Variants in CTCF observed in about 807,000 individuals in gnomAD.
The protein encoded by CTCF is CCCTC-binding factor.
CTCF carries 7 observed loss-of-function variants against 72.3 expected under a neutral mutation model. That is an observed-to-expected ratio of 0.10 (90% CI 0.06 to 0.18). CTCF has a LOEUF of 0.18. Among genes scored for constraint, CTCF ranks in the 10% least tolerant of loss-of-function variants. The pLI is 1.00. For missense variants in CTCF, 516 were observed against 949.1 expected, an observed-to-expected ratio of 0.54 and a Z score of 6.00; for synonymous variants, 374 against 315.8, an observed-to-expected ratio of 1.18 and a Z score of -1.95.
chr16:67,595,254 C>T (rs1175058350), intron 2 of CTCF, among the ~76,000 whole-genome samples: 2 of 151,762 alleles, frequency 1.3e-5, no homozygotes, highest in Admixed American at 6.6e-5. Flanking sequence ...AACTTCTGGG[C>T]CCAAGCCATC....
chr16:67,575,424 A>C (rs1261455926), intron 2 of CTCF, among the ~76,000 whole-genome samples: 2 of 151,998 alleles, frequency 1.3e-5, no homozygotes, highest in African/African-American at 4.8e-5. Flanking sequence ...GTTCTATTAG[A>C]GGTGACTTCC....
intron 4 of CTCF, 200 bp downstream of exon 4, chr16:67,612,321 A>G: frequency 4.5e-6 from 2 of 444,108 alleles, no homozygotes; most frequent in Non-Finnish European, 7.8e-6. Context: ...ATGAAAAATA[A>G]CACCCTCTCT....
At chr16:67,632,250 T>C (rs936828747) in intron 10 of CTCF, among the ~76,000 whole-genome samples, 13 of 152,196 alleles carry the variant, frequency 8.5e-5, no homozygotes, top group Admixed American at 6.5e-4. Context: ...TCCTGCTTTC[T>C]CCTGATACTG....
At chr16:67,592,587 C>A (rs1216642534) in intron 2 of CTCF, among the ~76,000 whole-genome samples, 1 of 151,932 alleles carries the variant, frequency 6.6e-6, no homozygotes, top group East Asian at 1.9e-4. Context: ...CGCCTGTAGT[C>A]CCAGCCACTC....
intron 2 of CTCF, among the ~76,000 whole-genome samples, chr16:67,603,778 T>G (rs1287137165): frequency 1.4e-5 from 2 of 146,882 alleles, no homozygotes; most frequent in African/African-American, 2.5e-5. Context: ...TGAGCTGAGA[T>G]CGCGCCACTG....
At chr16:67,599,749 C>T (rs1034436466) in intron 2 of CTCF, among the ~76,000 whole-genome samples, 9 of 152,180 alleles carry the variant, frequency 5.9e-5, no homozygotes, top group East Asian at 1.9e-4. Context: ...ACAGTCCGGA[C>T]GACTAAACCA....
At chr16:67,583,737 A>G (rs2051622306) in intron 2 of CTCF, among the ~76,000 whole-genome samples, 1 of 151,868 alleles carries the variant, frequency 6.6e-6, no homozygotes, top group Non-Finnish European at 1.5e-5. Flanking sequence ...TGTGGTGAGT[A>G]GTAAGCAAGA....
chr16:67,608,777 C>T (rs2052013620), intron 2 of CTCF, among the ~76,000 whole-genome samples: 1 of 150,828 alleles, frequency 6.6e-6, no homozygotes, highest in Non-Finnish European at 1.5e-5. Flanking sequence ...GTTCTTGTTG[C>T]CCAGGCTGCA....
At chr16:67,563,925 C>T (rs2051311287) in intron 1 of CTCF, 1 of 152,172 alleles carries the variant, frequency 6.6e-6, no homozygotes, top group Non-Finnish European at 1.5e-5. Flanking sequence ...GTAATTTGCC[C>T]ATGCGATGAA....
chr16:67,573,749 G>A (rs1345302212), intron 2 of CTCF, among the ~76,000 whole-genome samples: 1 of 151,970 alleles, frequency 6.6e-6, no homozygotes, highest in South Asian at 2.1e-4. Flanking sequence ...GAAGACTTAC[G>A]TGGCTGGGCC....
chr16:67,564,166 A>C (rs1597669969), intron 1 of CTCF, among the ~76,000 whole-genome samples: 1 of 152,216 alleles, frequency 6.6e-6, no homozygotes, highest in Non-Finnish European at 1.5e-5. Flanking sequence ...CATATATTTA[A>C]ATTTATTCGG....
At chr16:67,597,955 G>A (rs1212816347) in intron 2 of CTCF, among the ~76,000 whole-genome samples, 1 of 151,966 alleles carries the variant, frequency 6.6e-6, no homozygotes, top group Non-Finnish European at 1.5e-5. Context: ...GGAGGGGAAG[G>A]GTTGTTTTCT....
intron 2 of CTCF, among the ~76,000 whole-genome samples, chr16:67,591,344 A>G (rs2051741528): frequency 6.6e-6 from 1 of 152,136 alleles, no homozygotes; most frequent in Admixed American, 6.6e-5. Context: ...GTTGTGATTA[A>G]ATAGATGAGT....
intron 8 of CTCF, 170 bp downstream of exon 8, chr16:67,626,885 C>T (rs1276991290): frequency 1.7e-5 from 7 of 422,936 alleles, no homozygotes; most frequent in Admixed American, 1.3e-4. Context: ...TGTGTCATCC[C>T]GGTGTCCAGA....
rs1421637533 is a variant in CTCF, at chr16:67,622,144, C to G, written c.1357+553C>G. On this transcript the variant is annotated intron_variant, in intron 7 of 11. Transcript: ENST00000264010. ...GGCCAACGCGGGTGGATCACGAGGT[C>G]AGGCGATCGAGACCATTCTGGCTAA... Among the ~76,000 whole-genome samples, 10 of 152,058 alleles carry G rather than the reference C, an allele frequency of 6.6e-5. No homozygotes were observed. The East Asian group carries it at 1.7e-3, about 26-fold the overall frequency.
intron 2 of CTCF, among the ~76,000 whole-genome samples, chr16:67,576,550 GT>G (rs35771667): frequency 0.036 from 3,922 of 108,136 alleles, 12 homozygotes; most frequent in Middle Eastern, 0.088. Flanking sequence ...ATAATAGAAT[GT>G]TTTTTTTTTT....
rs1307623094 is a variant in CTCF at position 67,611,300 on chromosome 16, C to T, written c.468C>T (p.His156=). Residue 156 remains histidine (H), a synonymous_variant, in exon 3 of 12, where the codon CAC becomes CAT. Transcript: ENST00000264010. ...GLAESEPMIC[H]TLPLPEGFQV... ...CGGAAAGTGAACCCATGATATGCCA[C>T]ACCCTACCTTTGCCTGAAGGGTTTC... The T allele has an allele frequency of 6.2e-6, 10 of 1,613,998 alleles. No homozygotes were observed. Among genetic ancestry groups the T allele is most frequent in the African/African-American group, 1.3e-5 (1 of 74,882 alleles).
At position 67,628,474 on chromosome 16, in the gene CTCF, C is replaced by T; in HGVS notation, c.1623C>T (p.His541=). 1.2e-6 allele frequency: 2 copies of T among 1,614,230 alleles called. No homozygotes were observed. The highest frequency in any genetic ancestry group is 2.2e-5 in the South Asian group (2 of 91,086). Residue 541 remains histidine, a synonymous_variant, in exon 9 of 12, where the codon CAC becomes CAT. Coordinates refer to ENST00000264010, the MANE Select transcript of CTCF (RefSeq NM_006565.4). ...TFRQKQLLDM[H]FKRYHDPNFV... ...GCCAGAAGCAGCTTCTCGACATGCA[C>T]TTCAAGCGCTATCACGACCCCAACT...
At chr16:67,601,217 G>GGTGTGTGTGTGTGT (rs59655549) in intron 2 of CTCF, among the ~76,000 whole-genome samples, 1 of 128,306 alleles carries the variant, frequency 7.8e-6, no homozygotes, top group African/African-American at 2.9e-5. Context: ...TGCACTAAGG[G>GGTGTGTGTGTGTGT]GTGTGTGTGT....
Sources: allele counts gnomAD v4.1 joint callset (sites outside exome capture counted in the v4.1 genomes callset), GRCh38; gene constraint gnomAD v4.1.1; transcripts MANE v1.5; gene names NCBI Gene and HGNC (gene_info 2026-07-23, HGNC 2026-07-21).